The following ZBED6 variants were observed in gnomAD, a reference collection of about 807,000 sequenced individuals.
ZBED6 encodes the protein zinc finger BED domain-containing protein 6.
ZBED6 carries 40 observed loss-of-function variants against 58.4 expected under a neutral mutation model. That is an observed-to-expected ratio of 0.68 (90% CI 0.53 to 0.89). ZBED6 has a LOEUF of 0.89. Among genes scored for constraint, ZBED6 ranks in the 40% least tolerant of loss-of-function variants. The probability of loss-of-function intolerance (pLI) is 0.00; values close to 1 mark genes in which losing one functional copy is unlikely to be tolerated. For missense variants in ZBED6, 1,057 were observed against 1,003.9 expected, an observed-to-expected ratio of 1.05 and a Z score of -0.71; for synonymous variants, 439 against 350.6, an observed-to-expected ratio of 1.25 and a Z score of -2.82.
At chr1:203,805,793 C>G in intron 1 of ZBED6, 3 of 742,960 alleles carry the variant, frequency 4.0e-6, no homozygotes, top group South Asian at 2.7e-5. Flanking sequence ...TCTAGGTTGT[C>G]TTCATCTAAT....
chr1:203,811,667 C>T (rs549611687), intron 1 of ZBED6, among the ~76,000 whole-genome samples: 181 of 152,200 alleles, frequency 1.2e-3, no homozygotes, highest in Non-Finnish European at 1.5e-3. Context: ...GGCTACCACG[C>T]CTGGCTAATT....
chr1:203,807,473 T>C (rs1672762676), intron 1 of ZBED6, among the ~76,000 whole-genome samples: 1 of 151,618 alleles, frequency 6.6e-6, no homozygotes, highest in African/African-American at 2.4e-5. Flanking sequence ...ATTATGACTG[T>C]TTTTTGGGTT....
At chr1:203,827,539 G>A (rs889937858) in intron 3 of ZBED6, among the ~76,000 whole-genome samples, 5 of 151,956 alleles carry the variant, frequency 3.3e-5, no homozygotes, top group Admixed American at 6.6e-5. Context: ...AAAATTAGCC[G>A]AGTGTGGTGG....
chr1:203,799,805 C>A, exon 1 of ZBED6: 1 of 1,346,920 alleles, frequency 7.4e-7, no homozygotes, highest in Non-Finnish European at 1.0e-6. Context: ...TGCTTAAATC[C>A]AAGCCCTGTA....
At chr1:203,804,865 G>A (rs532883285) in intron 1 of ZBED6, among the ~76,000 whole-genome samples, 217 of 151,660 alleles carry the variant, frequency 1.4e-3, no homozygotes, top group African/African-American at 5.0e-3. Flanking sequence ...TAGAGATGGG[G>A]TTTCATCATA....
chr1:203,795,669 G>A (rs1429948817), upstream of ZBED6: 1 of 152,218 alleles, frequency 6.6e-6, no homozygotes, highest in African/African-American at 2.4e-5. Context: ...TGGCAGTCTT[G>A]GTTTTCTGCT....
chr1:203,821,020 G>A (rs1456583079), intron 3 of ZBED6, among the ~76,000 whole-genome samples: 1 of 152,084 alleles, frequency 6.6e-6, no homozygotes, highest in Non-Finnish European at 1.5e-5. Context: ...GTGGTGATAC[G>A]TTTGGCTCTG....
chr1:203,806,356 A>G, intron 1 of ZBED6: 1 of 208,986 alleles, frequency 4.8e-6, no homozygotes, highest in Non-Finnish European at 9.6e-6. Context: ...GCTGGAGTTC[A>G]AGTGGCATAA....
chr1:203,841,782 G>A (rs1249360348), intron 11 of ZBED6, among the ~76,000 whole-genome samples: 7 of 148,404 alleles, frequency 4.7e-5, no homozygotes, highest in South Asian at 2.2e-4. Context: ...GGGTGGAGGC[G>A]CCCCCCACCT....
intron 7 of ZBED6, among the ~76,000 whole-genome samples, chr1:203,830,807 CAAAAAAGAA>C (rs1416182834): frequency 6.7e-6 from 1 of 149,552 alleles, no homozygotes; most frequent in Non-Finnish European, 1.5e-5. Flanking sequence ...GACTCTGTCT[CAAAAAAGAA>C]AAAAAAGGAA....
chr1:203,824,566 A>G (rs959252861), intron 3 of ZBED6, among the ~76,000 whole-genome samples: 4 of 152,216 alleles, frequency 2.6e-5, no homozygotes, highest in South Asian at 2.1e-4. Context: ...GTCATCTGAC[A>G]TGTGTCACAT....
chr1:203,815,520 A>G (rs1235142340), intron 1 of ZBED6, among the ~76,000 whole-genome samples: 3 of 151,564 alleles, frequency 2.0e-5, no homozygotes, highest in East Asian at 1.9e-4. Flanking sequence ...CACCCGGCCT[A>G]TTTCATTATT....
rs542722690 is a variant in ZBED6, at chr1:203,851,815, T to G, written c.*4874-326T>G. ...TTGTCTCTAATAAAAATCAAAGAAATAAAAAAAAAATCACATGGTGACACA... is the reference window on the plus strand; with the variant it reads ...TTGTCTCTAATAAAAATCAAAGAAAGAAAAAAAAAATCACATGGTGACACA... On this transcript the variant is annotated intron_variant, in intron 16 of 16. Transcript: ENST00000550078. Among the ~76,000 whole-genome samples, 9 of 147,220 alleles carry G rather than the reference T, an allele frequency of 6.1e-5. No homozygotes were observed. In the East Asian group the frequency reaches 1.6e-3, roughly 26 times the overall value.
intron 11 of ZBED6, among the ~76,000 whole-genome samples, chr1:203,841,001 AT>A (rs1437427096): frequency 1.3e-5 from 2 of 152,138 alleles, no homozygotes; most frequent in African/African-American, 4.8e-5. Context: ...TATGATAGTT[AT>A]GTGCTAAAAT....
intron 16 of ZBED6, 24 bp downstream of exon 16, chr1:203,851,148 A>T (rs757225587): frequency 6.2e-7 from 1 of 1,610,970 alleles, no homozygotes; most frequent in Admixed American, 1.7e-5. Context: ...ATTCTTTCTA[A>T]ACAAACTCCA....
At chr1:203,852,697 A>C in exon 17 of ZBED6, 1 of 403,794 alleles carries the variant, frequency 2.5e-6, no homozygotes, top group Non-Finnish European at 4.5e-6. Context: ...AAAGGGTGCA[A>C]GCGAACTTAG....
intron 3 of ZBED6, among the ~76,000 whole-genome samples, chr1:203,819,393 T>C (rs1677637934): frequency 6.7e-6 from 1 of 149,434 alleles, no homozygotes; most frequent in Non-Finnish European, 1.5e-5. Context: ...TGCTAATTTT[T>C]GTATTTTTAG....
At chr1:203,825,116 C>A (rs1216171293) in intron 3 of ZBED6, among the ~76,000 whole-genome samples, 2 of 149,576 alleles carry the variant, frequency 1.3e-5, no homozygotes, top group Non-Finnish European at 1.5e-5. Flanking sequence ...GTTAGATAAG[C>A]TTTGTTCAAG....
intron 1 of ZBED6, among the ~76,000 whole-genome samples, chr1:203,804,244 C>T (rs1052327898): frequency 5.3e-5 from 8 of 151,482 alleles, no homozygotes; most frequent in Middle Eastern, 3.4e-3. Flanking sequence ...CTCCGCCTCC[C>T]GGGTTCACGC....
Sources: allele counts gnomAD v4.1 joint callset (sites outside exome capture counted in the v4.1 genomes callset), GRCh38; gene constraint gnomAD v4.1.1; transcripts MANE v1.5; gene names NCBI Gene and HGNC (gene_info 2026-07-23, HGNC 2026-07-21).